Variants in IP6K1 observed in about 807,000 individuals in gnomAD.
IP6K1 encodes the protein inositol hexakisphosphate kinase 1, also known as ATP:1D-myo-inositol-hexakisphosphate phosphotransferase.
A neutral mutation model predicts 38.3 loss-of-function variants in IP6K1; 13 were observed. The ratio of observed to expected loss-of-function variants is 0.34; its 90% CI spans 0.22 to 0.54. IP6K1 has a LOEUF of 0.54. Among genes scored for constraint, IP6K1 ranks in the 20% least tolerant of loss-of-function variants. The pLI, the probability that IP6K1 is intolerant of heterozygous loss-of-function variation, is 0.92. For missense variants in IP6K1, 397 were observed against 599.8 expected, an observed-to-expected ratio of 0.66 and a Z score of 3.53; for synonymous variants, 212 against 229.9, an observed-to-expected ratio of 0.92 and a Z score of 0.70.
intron 4 of IP6K1, among the ~76,000 whole-genome samples, chr3:49,729,393 T>TA (rs1308224596): frequency 6.6e-6 from 1 of 150,910 alleles, no homozygotes; most frequent in East Asian, 1.9e-4. Context: ...TTATGTTGAT[T>TA]TATTTTTGTT....
intron 1 of IP6K1, among the ~76,000 whole-genome samples, chr3:49,759,283 A>C (rs1488194397): frequency 2.0e-5 from 3 of 152,204 alleles, no homozygotes; most frequent in Admixed American, 2.0e-4. Context: ...AATATAGTCA[A>C]AGATCAAATT....
chr3:49,744,808 G>A (rs545511442), intron 2 of IP6K1, among the ~76,000 whole-genome samples: 1 of 152,220 alleles, frequency 6.6e-6, no homozygotes, highest in South Asian at 2.1e-4. Flanking sequence ...ATGATTACTA[G>A]CCCACACACA....
chr3:49,744,761 T>C (rs2080706854), intron 2 of IP6K1, among the ~76,000 whole-genome samples: 1 of 152,228 alleles, frequency 6.6e-6, no homozygotes, highest in South Asian at 2.1e-4. Flanking sequence ...TCACTGCTTT[T>C]AGGCCCTTTC....
intron 1 of IP6K1, among the ~76,000 whole-genome samples, chr3:49,754,232 C>T (rs2080802939): frequency 6.6e-6 from 1 of 151,758 alleles, no homozygotes; most frequent in Non-Finnish European, 1.5e-5. Flanking sequence ...AAAAATTAGC[C>T]AGGCGTGGTG....
At chr3:49,771,201 A>AC (rs2080956309) in intron 1 of IP6K1, among the ~76,000 whole-genome samples, 1 of 150,000 alleles carries the variant, frequency 6.7e-6, no homozygotes, top group African/African-American at 2.4e-5. Flanking sequence ...AAAAAAAAAA[A>AC]AAAAAAAAAA....
Position 49,740,994 on chromosome 3 carries a change from G to A in IP6K1, c.224-2572C>T, listed in dbSNP as rs143300448. Among the ~76,000 whole-genome samples, 361 of 152,062 alleles carry A rather than the reference G, an allele frequency of 2.4e-3. 4 individuals carry two copies. The highest frequency in any genetic ancestry group is 8.3e-3 in the African/African-American group (345 of 41,484). On this transcript the variant is annotated intron_variant, in intron 2 of 5. Transcript: ENST00000321599. ...CTCCTGAGGAGCGGGGATTACAGGT[G>A]CCTGCCACCACGCTCGGCTACTTTT...
chr3:49,779,172 TTC>T lies in IP6K1; in HGVS notation c.-129+7180_-129+7181del, dbSNP rs1274483015. On this transcript the variant is annotated intron_variant, in intron 1 of 5. Coordinates refer to ENST00000321599, the MANE Select transcript of IP6K1 (RefSeq NM_153273.4). ...AGCCCTAAGCAATCACTAATGTACT[TTC>T]TGTTTCTATAGAATTGCCTATTCTG... is the stretch of plus-strand genomic sequence containing the variant. Among the ~76,000 whole-genome samples, 9 of 152,176 alleles carry T rather than the reference TTC, an allele frequency of 5.9e-5. No individual in the cohort carries two copies. In the South Asian group the frequency reaches 6.2e-4, roughly 11 times the overall value.
intron 4 of IP6K1, among the ~76,000 whole-genome samples, 192 bp downstream of exon 4, chr3:49,732,599 G>A (rs3749237): frequency 0.26 from 39,969 of 152,048 alleles, 5,546 homozygotes; most frequent in Non-Finnish European, 0.31. Flanking sequence ...TTTAAGCTTC[G>A]GCCTTACCAA....
intron 1 of IP6K1, among the ~76,000 whole-genome samples, chr3:49,777,012 A>G (rs1481734257): frequency 6.6e-6 from 1 of 152,128 alleles, no homozygotes; most frequent in Non-Finnish European, 1.5e-5. Context: ...AGGTGGATGG[A>G]TCACTTGAGG....
intron 1 of IP6K1, among the ~76,000 whole-genome samples, chr3:49,760,575 G>C (rs779970584): frequency 6.3e-5 from 9 of 142,858 alleles, no homozygotes; most frequent in Admixed American, 5.2e-4. Flanking sequence ...AGTGAGCCGA[G>C]ATAGTGCCAC....
chr3:49,760,891 T>C (rs2080862357), intron 1 of IP6K1, among the ~76,000 whole-genome samples: 1 of 152,202 alleles, frequency 6.6e-6, no homozygotes, highest in South Asian at 2.1e-4. Flanking sequence ...ATTTTCCCTG[T>C]CAACAGATTT....
chr3:49,762,813 C>T (rs1464790156), intron 1 of IP6K1, among the ~76,000 whole-genome samples: 1 of 151,592 alleles, frequency 6.6e-6, no homozygotes, highest in Non-Finnish European at 1.5e-5. Flanking sequence ...TACTCTGTGA[C>T]CCAGGCTGGA....
At chr3:49,745,253 G>A (rs1040358406) in intron 2 of IP6K1, among the ~76,000 whole-genome samples, 1 of 152,224 alleles carries the variant, frequency 6.6e-6, no homozygotes, top group African/African-American at 2.4e-5. Flanking sequence ...AGGATGATCA[G>A]GGAAGAAGTG....
chr3:49,738,932 C>A (rs767191263), intron 2 of IP6K1, among the ~76,000 whole-genome samples: 8 of 152,142 alleles, frequency 5.3e-5, no homozygotes, highest in Non-Finnish European at 7.3e-5. Flanking sequence ...AGCCTCACTA[C>A]ACAGAACTTC....
chr3:49,778,453 T>G (rs868015309), intron 1 of IP6K1, among the ~76,000 whole-genome samples: 2 of 151,646 alleles, frequency 1.3e-5, no homozygotes, highest in Non-Finnish European at 2.9e-5. Context: ...GCCAACACGG[T>G]GAAACTTCGT....
chr3:49,754,046 G>A (rs933654262), intron 1 of IP6K1, among the ~76,000 whole-genome samples: 7 of 152,104 alleles, frequency 4.6e-5, no homozygotes, highest in Non-Finnish European at 8.8e-5. Context: ...AAAAAAATCA[G>A]GCAAACACAT....
At chr3:49,774,407 CAAAAAAAAAAAAA>C (rs777187857) in intron 1 of IP6K1, among the ~76,000 whole-genome samples, 1 of 44,286 alleles carries the variant, frequency 2.3e-5, no homozygotes, top group Non-Finnish European at 4.7e-5. Flanking sequence ...GACTCCATCT[CAAAAAAAAAAAAA>C]AAAAAAAAAG....
chr3:49,772,142 G>C (rs948016092), intron 1 of IP6K1, among the ~76,000 whole-genome samples: 4 of 151,112 alleles, frequency 2.6e-5, no homozygotes, highest in Admixed American at 2.0e-4. Flanking sequence ...CCCAAGGTGG[G>C]TTCAAGGTGG....
intron 2 of IP6K1, among the ~76,000 whole-genome samples, chr3:49,741,744 A>G (rs891192647): frequency 5.3e-5 from 8 of 152,230 alleles, no homozygotes; most frequent in African/African-American, 1.9e-4. Flanking sequence ...AAATAAAACT[A>G]TAGGCCCTGT....
Sources: allele counts gnomAD v4.1 joint callset (sites outside exome capture counted in the v4.1 genomes callset), GRCh38; gene constraint gnomAD v4.1.1; transcripts MANE v1.5; gene names NCBI Gene and HGNC (gene_info 2026-07-23, HGNC 2026-07-21).